TMEM131L: variants seen among roughly 807,000 people sequenced by gnomAD.
TMEM131L encodes the protein transmembrane protein 131-like.
Under a neutral mutation model 192.2 loss-of-function variants are expected in TMEM131L, and 54 were observed. The observed-to-expected ratio is 0.28, with a 90% CI of 0.23 to 0.35. The LOEUF (loss-of-function observed/expected upper bound fraction) is 0.35, where lower values mean the gene tolerates loss of function less well. Ranked by LOEUF, TMEM131L falls within the 10% of genes least tolerant of loss-of-function variation. TMEM131L has a pLI of 1.00. For missense variants in TMEM131L, 1,888 were observed against 1,972.9 expected (o/e 0.96, Z 0.82); for synonymous variants, 701 against 704.9 (o/e 0.99, Z 0.09).
At chr4:153,521,547 T>G (rs923200732) in intron 3 of TMEM131L, among the ~76,000 whole-genome samples, 17 of 152,182 alleles carry the variant, frequency 1.1e-4, no homozygotes, top group African/African-American at 3.9e-4. Context: ...AATTTACCAT[T>G]TTGACCATTT....
Position 153,585,619 on chromosome 4 carries a change from T to G in TMEM131L, c.1311+8T>G. 6.3e-7 allele frequency: 1 copy of G among 1,575,790 alleles called. No homozygotes were observed. The highest frequency in any genetic ancestry group is 8.6e-7 in the Non-Finnish European group (1 of 1,158,282). On this transcript the variant is annotated splice_region_variant and intron_variant, in intron 13 of 34. Coordinates refer to ENST00000409959, the MANE Select transcript of TMEM131L (RefSeq NM_001131007.2). ...ACCAAGCACATGTTAAAGGTACATA[T>G]AGTATTTTTTCCCCAAGTTTTAGCT...
chr4:153,624,434 T>C (rs1298465566), intron 29 of TMEM131L, among the ~76,000 whole-genome samples: 2 of 152,226 alleles, frequency 1.3e-5, no homozygotes, highest in African/African-American at 4.8e-5. Flanking sequence ...AGCATTGTTA[T>C]TTTTACCTTT....
At chr4:153,626,086 C>A in intron 29 of TMEM131L, 61 bp from the exon 30 acceptor site, 1 of 1,031,924 alleles carries the variant, frequency 9.7e-7, no homozygotes, top group Non-Finnish European at 1.5e-6. Context: ...CATTTTAATA[C>A]CGAATATACA....
At chr4:153,473,771 GAC>G in intron 2 of TMEM131L, 72 bp from the exon 3 acceptor site, 1 of 1,263,188 alleles carries the variant, frequency 7.9e-7, no homozygotes, top group Non-Finnish European at 1.1e-6. Context: ...CAGCCTGGGT[GAC>G]AGAGCGAGAC....
At chr4:153,586,025 T>G (rs1373827118) in intron 13 of TMEM131L, among the ~76,000 whole-genome samples, 184 bp from the exon 14 acceptor site, 2 of 152,162 alleles carry the variant, frequency 1.3e-5, no homozygotes, top group African/African-American at 4.8e-5. Flanking sequence ...TTTAAAACAG[T>G]GTCATCTTAA....
At chr4:153,492,232 C>T (rs1732842944) in intron 3 of TMEM131L, among the ~76,000 whole-genome samples, 1 of 152,146 alleles carries the variant, frequency 6.6e-6, no homozygotes, top group Non-Finnish European at 1.5e-5. Context: ...CCAGGCTGGC[C>T]TCAAACTCCT....
chr4:153,467,036 A>G (rs1200991685), intron 1 of TMEM131L, among the ~76,000 whole-genome samples, 175 bp from the exon 2 acceptor site: 1 of 151,884 alleles, frequency 6.6e-6, no homozygotes, highest in Non-Finnish European at 1.5e-5. Flanking sequence ...CCGCCGGCTC[A>G]CACCCCACCC....
Position 153,581,421 on chromosome 4 carries a change from A to G in TMEM131L, c.753A>G (p.Glu251=), listed in dbSNP as rs143931322. The change falls in exon 9 of 35, where the codon GAA becomes GAG. Residue 251 remains glutamate (E), a synonymous_variant. Transcript: ENST00000409959. ...TCCAACCATAGGGTTGTTATCTGGA[A>G]TCTGATGATGTTTTGCGTCTACAAA... The part of the protein sequence containing the change: ...VCQQLKGCYL[E]SDDVLRLQMS... 2 of 1,565,830 alleles carry G rather than the reference A, an allele frequency of 1.3e-6. No homozygotes were observed. Among genetic ancestry groups the G allele is most frequent in the Non-Finnish European group, 1.7e-6 (2 of 1,154,506 alleles).
chr4:153,477,282 C>A (rs1371481338), intron 3 of TMEM131L, among the ~76,000 whole-genome samples: 2 of 152,138 alleles, frequency 1.3e-5, no homozygotes, highest in Non-Finnish European at 2.9e-5. Context: ...CTTGATATGA[C>A]ACGTCTACAG....
chr4:153,539,491 GA>G (rs1270973064), intron 3 of TMEM131L, among the ~76,000 whole-genome samples: 7 of 132,772 alleles, frequency 5.3e-5, no homozygotes, highest in East Asian at 2.4e-4. Flanking sequence ...TCAGAGGCTA[GA>G]TTTTTTTTTT....
At chr4:153,485,155 G>A (rs1298294936) in intron 3 of TMEM131L, among the ~76,000 whole-genome samples, 5 of 140,362 alleles carry the variant, frequency 3.6e-5, no homozygotes, top group Admixed American at 1.4e-4. Context: ...ATCAGCATTT[G>A]TTGAGAATTT....
chr4:153,571,702 G>A (rs1361317117), intron 7 of TMEM131L, among the ~76,000 whole-genome samples: 9 of 152,150 alleles, frequency 5.9e-5, no homozygotes, highest in African/African-American at 7.2e-5. Context: ...TGGGACTACA[G>A]GCATGTACCA....
chr4:153,581,843 T>C (rs1730361270), intron 9 of TMEM131L, among the ~76,000 whole-genome samples: 1 of 152,258 alleles, frequency 6.6e-6, no homozygotes, highest in South Asian at 2.1e-4. Flanking sequence ...CAGTTTAATA[T>C]AAATATTTAC....
At position 153,588,874 on chromosome 4, in the gene TMEM131L, C is replaced by G; in HGVS notation, c.1553-16C>G. 1 of 1,250,726 alleles carries G rather than the reference C, an allele frequency of 8.0e-7. No individual in the cohort carries two copies. The highest frequency in any genetic ancestry group is 1.2e-6 in the Non-Finnish European group (1 of 851,488). 77.5% of individuals were successfully genotyped at this position (1,250,726 alleles called of 1,614,324 possible). ...TTTTCTGTAAATCTAAATATGGAAT[C>G]TGATCTAACTTTTAGGAAATCCTAA... On this transcript the variant is annotated splice_polypyrimidine_tract_variant and intron_variant, in intron 15 of 34. Coordinates refer to ENST00000409959, the MANE Select transcript of TMEM131L (RefSeq NM_001131007.2).
In TMEM131L at chr4:153,519,300, C is replaced by G. The variant is rs17030064; in HGVS notation, c.240-30773C>G. Among the ~76,000 whole-genome samples, 1,245 of 152,266 alleles carry G rather than the reference C, an allele frequency of 8.2e-3. 20 individuals carry two copies. The highest frequency in any genetic ancestry group is 0.028 in the African/African-American group (1,166 of 41,534). ...TTCTGTGTTGCAGCTTGGGGCCAAGCTTTTCATGGAAACTGCTGAAAATTA... is the reference window on the plus strand; with the variant it reads ...TTCTGTGTTGCAGCTTGGGGCCAAGGTTTTCATGGAAACTGCTGAAAATTA... On this transcript the variant is annotated intron_variant, in intron 3 of 34. Coordinates refer to ENST00000409959, the MANE Select transcript of TMEM131L (RefSeq NM_001131007.2).
chr4:153,553,242 A>C (rs1164977785), intron 4 of TMEM131L, among the ~76,000 whole-genome samples: 5 of 152,124 alleles, frequency 3.3e-5, no homozygotes, highest in Admixed American at 2.0e-4. Context: ...GCATTATCTG[A>C]GTCTGTGTGT....
At chr4:153,482,603 A>AT (rs1732025850) in intron 3 of TMEM131L, among the ~76,000 whole-genome samples, 1 of 151,982 alleles carries the variant, frequency 6.6e-6, no homozygotes, top group Non-Finnish European at 1.5e-5. Flanking sequence ...TATTTTATTT[A>AT]TTTTTTGAGA....
rs1257442185 is a variant in TMEM131L at position 153,627,646 on chromosome 4, C to T, written c.4166C>T (p.Pro1389Leu). The change falls in exon 31 of 35, where the codon CCC (proline) becomes CTC (leucine). Residue 1389 changes from proline (P) to leucine (L), a missense_variant. By Grantham distance (98) the Pro-to-Leu change is moderately conservative. Coordinates refer to ENST00000409959, the MANE Select transcript of TMEM131L (RefSeq NM_001131007.2). The part of the protein sequence containing the change: ...SLPQYAEPSC[P>L]SLPAGPTGVE... ...CCACAATACGCAGAGCCTTCCTGTCCCAGCCTTCCTGCCGGGCCCACAGGT... is the reference window on the plus strand; with the variant it reads ...CCACAATACGCAGAGCCTTCCTGTCTCAGCCTTCCTGCCGGGCCCACAGGT... 1.2e-6 allele frequency: 2 copies of T among 1,614,118 alleles called. No individual in the cohort carries two copies. The highest frequency in any genetic ancestry group is 1.7e-6 in the Non-Finnish European group (2 of 1,179,982).
chr4:153,601,013 G>A lies in TMEM131L; in HGVS notation c.2267-1139G>A, dbSNP rs1235831294. Among the ~76,000 whole-genome samples the A allele has an allele frequency of 2.6e-5, 4 of 151,800 alleles. No individual in the cohort carries two copies. The East Asian group carries it at 5.8e-4, about 22-fold the overall frequency. On this transcript the variant is annotated intron_variant, in intron 21 of 34. Coordinates refer to ENST00000409959, the MANE Select transcript of TMEM131L (RefSeq NM_001131007.2). ...TAATCCCAGCTACTTGGGAGGCTGA[G>A]GCAAGAGAATTGCTTGAAACTGGAA...
Sources: allele counts gnomAD v4.1 joint callset (sites outside exome capture counted in the v4.1 genomes callset), GRCh38; gene constraint gnomAD v4.1.1; transcripts MANE v1.5; gene names NCBI Gene and HGNC (gene_info 2026-07-23, HGNC 2026-07-21).